Variants in ADAMTSL1 observed in about 807,000 individuals in gnomAD.
ADAMTSL1 encodes the protein ADAMTS-like protein 1.
In ADAMTSL1, 126 loss-of-function variants were observed where a neutral mutation model predicts 201.8. The ratio of observed to expected loss-of-function variants is 0.62; its 90% confidence interval spans 0.54 to 0.72. The LOEUF is 0.72. Ranked by LOEUF, ADAMTSL1 falls within the 30% of genes least tolerant of loss-of-function variation. ADAMTSL1 has a pLI of 0.00. For synonymous variants in ADAMTSL1, 1,121 were observed against 903.4 expected (o/e 1.24, Z -4.32); for missense variants, 2,679 against 2,277.8 (o/e 1.18, Z -3.59).
At chr9:18,286,214 A>C (rs768334370) in intron 2 of ADAMTSL1, among the ~76,000 whole-genome samples, 1 of 152,232 alleles carries the variant, frequency 6.6e-6, no homozygotes, top group Non-Finnish European at 1.5e-5. Context: ...GAAATTGTTT[A>C]ACGTGGTCTA....
In ADAMTSL1 at chr9:18,307,871, C is replaced by G. The variant is rs1587518598; in HGVS notation, c.207+143890C>G. On this transcript the variant is annotated intron_variant, in intron 2 of 29. Coordinates refer to the ADAMTSL1 transcript ENST00000680146. ...TAATAGACATCTATAGGACTCTTCA[C>G]CCAAAATCAACAGAATATACATTCT... is the stretch of plus-strand genomic sequence containing the variant. 2.0e-5 allele frequency among the ~76,000 whole-genome samples: 3 copies of G among 152,264 alleles called. No individual in the cohort carries two copies. The South Asian group carries it at 6.3e-4, about 32-fold the overall frequency.
At chr9:18,571,395 A>G (rs1822289891) in intron 3 of ADAMTSL1, among the ~76,000 whole-genome samples, 2 of 152,224 alleles carry the variant, frequency 1.3e-5, no homozygotes, top group African/African-American at 4.8e-5. Flanking sequence ...AATTTCCTCA[A>G]TGTTCTGCTT....
chr9:18,893,007 C>G (rs143784938), intron 26 of ADAMTSL1, among the ~76,000 whole-genome samples: 2 of 151,500 alleles, frequency 1.3e-5, no homozygotes, highest in South Asian at 2.1e-4. Flanking sequence ...CGTTCCATCT[C>G]GTAAGCCATT....
At chr9:17,983,391 C>T (rs1398050729) in intron 1 of ADAMTSL1, among the ~76,000 whole-genome samples, 1 of 152,026 alleles carries the variant, frequency 6.6e-6, no homozygotes, top group Non-Finnish European at 1.5e-5. Context: ...TTAAAGAATC[C>T]TAGGTGATCT....
At chr9:18,366,501 A>C (rs1288512042) in intron 2 of ADAMTSL1, among the ~76,000 whole-genome samples, 1 of 152,076 alleles carries the variant, frequency 6.6e-6, no homozygotes, top group Non-Finnish European at 1.5e-5. Context: ...TTTATATCAT[A>C]AAACCTCTTT....
At chr9:18,196,214 G>T (rs1385752846) in intron 2 of ADAMTSL1, among the ~76,000 whole-genome samples, 2 of 152,000 alleles carry the variant, frequency 1.3e-5, no homozygotes, top group African/African-American at 4.8e-5. Context: ...TAAACAAACT[G>T]CTAAGATAAA....
intron 1 of ADAMTSL1, among the ~76,000 whole-genome samples, chr9:18,051,702 A>G (rs1821949288): frequency 6.6e-6 from 1 of 152,220 alleles, no homozygotes; most frequent in Admixed American, 6.5e-5. Context: ...AGATAAGAAG[A>G]AGCTCCTGTT....
chr9:18,449,409 C>T (rs1846409741), intron 2 of ADAMTSL1, among the ~76,000 whole-genome samples: 1 of 151,910 alleles, frequency 6.6e-6, no homozygotes, highest in Non-Finnish European at 1.5e-5. Flanking sequence ...ATGTATAATA[C>T]TAAAGGGCTT....
At chr9:18,711,943 ACC>A (rs1232091120) in intron 14 of ADAMTSL1, among the ~76,000 whole-genome samples, 1 of 150,022 alleles carries the variant, frequency 6.7e-6, no homozygotes, top group Non-Finnish European at 1.5e-5. Flanking sequence ...CTGACCCCTG[ACC>A]CCCAAGCAGC....
intron 2 of ADAMTSL1, among the ~76,000 whole-genome samples, chr9:18,374,893 A>G (rs1446703106): frequency 6.6e-6 from 1 of 152,224 alleles, no homozygotes; most frequent in Non-Finnish European, 1.5e-5. Context: ...CTGGGGGATT[A>G]TCCCCCTTGG....
intron 26 of ADAMTSL1, among the ~76,000 whole-genome samples, chr9:18,903,735 C>G (rs1830135805): frequency 6.6e-6 from 1 of 152,016 alleles, no homozygotes; most frequent in South Asian, 2.1e-4. Context: ...GTCAGGAGCA[C>G]CTGCATATAT....
At chr9:18,255,842 C>T (rs1311682772) in intron 2 of ADAMTSL1, among the ~76,000 whole-genome samples, 1 of 152,176 alleles carries the variant, frequency 6.6e-6, no homozygotes, top group Non-Finnish European at 1.5e-5. Flanking sequence ...TCCATCTACC[C>T]TCTTTGTCAG....
chr9:18,798,906 G>T lies in ADAMTSL1; in HGVS notation c.3805+3382G>T, dbSNP rs559562007. On this transcript the variant is annotated intron_variant, in intron 20 of 28. Coordinates refer to ENST00000380548, the MANE Select transcript of ADAMTSL1 (RefSeq NM_001040272.6). ...CATAGAATACAGCCAAACCTTCCTT[G>T]CTCTGCCCTGTTTGGCCTATAAAAT... Among the ~76,000 whole-genome samples, 6 of 152,252 alleles carry T rather than the reference G, an allele frequency of 3.9e-5. No individual in the cohort carries two copies. In the South Asian group the frequency reaches 1.0e-3, roughly 26 times the overall value.
chr9:18,477,099 T>C (rs1487627622), intron 1 of ADAMTSL1, among the ~76,000 whole-genome samples: 1 of 152,214 alleles, frequency 6.6e-6, no homozygotes, highest in African/African-American at 2.4e-5. Context: ...TGCCATTTTC[T>C]CAATCCTCCC....
In ADAMTSL1 at chr9:18,206,498, C is replaced by T. The variant is rs182935979; in HGVS notation, c.207+42517C>T. On this transcript the variant is annotated intron_variant, in intron 2 of 29. Coordinates refer to the ADAMTSL1 transcript ENST00000680146. ...TGACTTCATTGAGTTCTCATGACCC[C>T]TACTGTGTGTTACTATTATAGTTTC... 2.0e-5 allele frequency among the ~76,000 whole-genome samples: 3 copies of T among 152,196 alleles called. No individual in the cohort carries two copies. The East Asian group carries it at 5.8e-4, about 30-fold the overall frequency.
At chr9:18,422,212 C>T (rs1189302498) in intron 2 of ADAMTSL1, among the ~76,000 whole-genome samples, 1 of 152,092 alleles carries the variant, frequency 6.6e-6, no homozygotes, top group Non-Finnish European at 1.5e-5. Context: ...CCACCTTAAA[C>T]ATGGAAAGTG....
chr9:18,293,284 A>T (rs531325214), intron 2 of ADAMTSL1, among the ~76,000 whole-genome samples: 1 of 152,232 alleles, frequency 6.6e-6, no homozygotes, highest in East Asian at 1.9e-4. Flanking sequence ...TTTGTCCCGT[A>T]ATGGGATTGC....
chr9:18,330,242 G>A (rs1834976485), intron 2 of ADAMTSL1, among the ~76,000 whole-genome samples: 1 of 152,088 alleles, frequency 6.6e-6, no homozygotes, highest in Admixed American at 6.6e-5. Flanking sequence ...TTCAATAAAC[G>A]CTGCCTATTA....
intron 2 of ADAMTSL1, among the ~76,000 whole-genome samples, chr9:18,225,817 A>G (rs1830416212): frequency 6.6e-6 from 1 of 152,134 alleles, no homozygotes; most frequent in Non-Finnish European, 1.5e-5. Flanking sequence ...ATATACTCTA[A>G]TTAAAATTCC....
Sources: gnomAD v4.1 joint callset for allele counts (sites outside exome capture counted in the v4.1 genomes callset) on GRCh38, gnomAD v4.1.1 for gene constraint, MANE v1.5 for transcripts, NCBI Gene and HGNC (gene_info 2026-07-23, HGNC 2026-07-21) for gene names.